The following CEP57L1 variants were observed in gnomAD, a reference collection of about 807,000 sequenced individuals.
The protein encoded by CEP57L1 is centrosomal protein 57 like 1, also known as centrosomal protein CEP57L1.
A neutral mutation model predicts 61.0 loss-of-function variants in CEP57L1; 37 were observed. The ratio of observed to expected loss-of-function variants is 0.61; its 90% CI spans 0.47 to 0.80. The LOEUF (loss-of-function observed/expected upper bound fraction) is 0.80. CEP57L1 is among the 30% of genes least tolerant of loss of function. CEP57L1 has a pLI of 0.00. For missense variants in CEP57L1, 422 were observed against 524.7 expected (o/e 0.80, Z 1.91); for synonymous variants, 137 against 162.3 (o/e 0.84, Z 1.19).
At chr6:109,143,361 T>C (rs911817338) in intron 1 of CEP57L1, among the ~76,000 whole-genome samples, 3 of 152,160 alleles carry the variant, frequency 2.0e-5, no homozygotes, top group Admixed American at 2.0e-4. Context: ...TTCAGTGCTT[T>C]ATATAAATAA....
At chr6:109,144,108 C>G (rs530014564) in intron 1 of CEP57L1, among the ~76,000 whole-genome samples, 1 of 152,282 alleles carries the variant, frequency 6.6e-6, no homozygotes, top group East Asian at 1.9e-4. Context: ...CATCAAGTAT[C>G]TTAGCAAACC....
intron 1 of CEP57L1, among the ~76,000 whole-genome samples, chr6:109,141,493 C>T (rs1242844208): frequency 6.6e-6 from 1 of 152,048 alleles, no homozygotes; most frequent in Non-Finnish European, 1.5e-5. Flanking sequence ...CCCAATTTTT[C>T]TAACATCATT....
chr6:109,146,973 A>T, intron 3 of CEP57L1, 36 bp downstream of exon 3: 1 of 1,535,020 alleles, frequency 6.5e-7, no homozygotes, highest in Non-Finnish European at 8.8e-7. Context: ...ACCGGGGGTT[A>T]CTGGAGTTTA....
intron 1 of CEP57L1, among the ~76,000 whole-genome samples, chr6:109,125,524 A>AT (rs5879014): frequency 0.025 from 3,570 of 142,956 alleles, 72 homozygotes; most frequent in East Asian, 0.07. Context: ...ATATATATAT[A>AT]TTTTTTTTTT....
At position 109,159,321 on chromosome 6, in the gene CEP57L1, A is replaced by C; in HGVS notation, c.875A>C (p.Glu292Ala). 9 of 1,614,120 alleles carry C rather than the reference A, an allele frequency of 5.6e-6. No individual in the cohort carries two copies. The highest frequency in any genetic ancestry group is 7.6e-6 in the Non-Finnish European group (9 of 1,179,976). ...CTTCAGAAACCTTTTAACGTGACTGAGACTAGATGTCTCCCCAAGCCTTCT... is the reference window on the plus strand; with the variant it reads ...CTTCAGAAACCTTTTAACGTGACTGCGACTAGATGTCTCCCCAAGCCTTCT... ...HILQKPFNVT[E>A]TRCLPKPSRT... Residue 292 changes from glutamate (E) to alanine (A), a missense_variant, in exon 9 of 11, where the codon GAG becomes GCG. By Grantham distance (107) the Glu-to-Ala change is moderately radical (BLOSUM62 -1). Transcript: ENST00000517392.
chr6:109,161,873 T>C (rs1044058579), intron 10 of CEP57L1, among the ~76,000 whole-genome samples: 2 of 152,094 alleles, frequency 1.3e-5, no homozygotes, highest in Non-Finnish European at 1.5e-5. Context: ...GTAATAAAAA[T>C]TGACTGTTAG....
chr6:109,124,374 T>G (rs2114717853), intron 1 of CEP57L1, among the ~76,000 whole-genome samples: 1 of 152,332 alleles, frequency 6.6e-6, no homozygotes, highest in South Asian at 2.1e-4. Context: ...CAGAGTAGAT[T>G]GCTCAAAACA....
In CEP57L1 at chr6:109,173,975, C is replaced by G. The variant is rs954791837; in HGVS notation, c.*11005C>G. On this transcript the variant is annotated 3_prime_UTR_variant, in exon 11 of 11. Coordinates refer to ENST00000517392, the MANE Select transcript of CEP57L1 (RefSeq NM_001271852.3). ...ATTAGCTGGGTGTGGTGGCATGCAC[C>G]TGTAGTCTCAGCTACTCATCAGGCT... is the stretch of plus-strand genomic sequence containing the variant. 6.6e-6 allele frequency among the ~76,000 whole-genome samples: 1 copy of G among 151,516 alleles called. No homozygotes were observed. The highest frequency in any genetic ancestry group is 2.4e-5 in the African/African-American group (1 of 41,218).
In CEP57L1 at chr6:109,160,622, T is replaced by G; in HGVS notation, c.1067T>G (p.Val356Gly). The change falls in exon 10 of 11, where the codon GTC becomes GGC. Residue 356 changes from valine to glycine, a missense_variant. Physicochemically the swap from Val to Gly is moderately radical, Grantham distance 109 (BLOSUM62 -3). Transcript: ENST00000517392. ...ATGAAGGAAACTGAAAGTCATTCAG[T>G]CTGTGACGACATAGAATGTGAACTA... ...KQMKETESHS[V>G]CDDIECELEC... 1 of 1,606,660 alleles carries G rather than the reference T, an allele frequency of 6.2e-7. No homozygotes were observed.
At chr6:109,137,584 G>A (rs1583545468) in intron 1 of CEP57L1, among the ~76,000 whole-genome samples, 1 of 152,202 alleles carries the variant, frequency 6.6e-6, no homozygotes, top group Non-Finnish European at 1.5e-5. Context: ...ACAGGTGTGA[G>A]CCACCGCTCC....
chr6:109,153,108 CA>C lies in CEP57L1; in HGVS notation c.463-713del, dbSNP rs1172045072. The stretch of plus-strand genomic sequence containing the variant: ...CCTGGGCAACAGCAAGACTCTGTCT[CA>C]AAAAAAAAAAAGAAAAGAAAAGAAA... On this transcript the variant is annotated intron_variant, in intron 4 of 10. Coordinates refer to ENST00000517392, the MANE Select transcript of CEP57L1 (RefSeq NM_001271852.3). Among the ~76,000 whole-genome samples the C allele has an allele frequency of 5.7e-3, 521 of 91,232 alleles. 14 individuals are homozygous for C. In the East Asian group the frequency reaches 0.086, roughly 15 times the overall value. The allele number at this position is 91,232 out of a possible 152,430, so 59.9% of individuals were successfully genotyped here.
At chr6:109,110,811 G>A (rs1771519935) in intron 1 of CEP57L1, among the ~76,000 whole-genome samples, 1 of 152,140 alleles carries the variant, frequency 6.6e-6, no homozygotes, top group African/African-American at 2.4e-5. Flanking sequence ...GTTTTTGTCA[G>A]CTTTGTCAAA....
At chr6:109,099,762 A>C (rs2114538522) in intron 1 of CEP57L1, among the ~76,000 whole-genome samples, 1 of 152,114 alleles carries the variant, frequency 6.6e-6, no homozygotes, top group Admixed American at 6.5e-5. Context: ...GTTGGGCAGG[A>C]TGGTCTCGAT....
At chr6:109,120,515 G>A (rs1583449466) in intron 1 of CEP57L1, among the ~76,000 whole-genome samples, 1 of 152,228 alleles carries the variant, frequency 6.6e-6, no homozygotes, top group East Asian at 1.9e-4. Context: ...TTGGGAATCA[G>A]CAGTCCAGGA....
chr6:109,105,718 A>G (rs574797559), intron 1 of CEP57L1, among the ~76,000 whole-genome samples: 2 of 152,248 alleles, frequency 1.3e-5, no homozygotes, highest in South Asian at 2.1e-4. Context: ...TTTTGAAATT[A>G]CATTTTCTAG....
At chr6:109,110,541 C>T (rs551835618) in intron 1 of CEP57L1, among the ~76,000 whole-genome samples, 25 of 152,094 alleles carry the variant, frequency 1.6e-4, no homozygotes, top group African/African-American at 3.9e-4. Context: ...AGATCCAATT[C>T]GTCAATTTTT....
chr6:109,135,811 A>C (rs1016389232), intron 1 of CEP57L1, among the ~76,000 whole-genome samples: 28 of 152,372 alleles, frequency 1.8e-4, no homozygotes, highest in African/African-American at 6.5e-4. Context: ...GACACATGAA[A>C]AACTGCTCAT....
rs1773980833 is a variant in CEP57L1 at position 109,164,772 on chromosome 6, A to C, written c.*1802A>C. 6.6e-6 allele frequency among the ~76,000 whole-genome samples: 1 copy of C among 152,112 alleles called. No individual in the cohort carries two copies. Among genetic ancestry groups the C allele is most frequent in the Non-Finnish European group, 1.5e-5 (1 of 68,006 alleles). On this transcript the variant is annotated 3_prime_UTR_variant, in exon 11 of 11. Coordinates refer to ENST00000517392, the MANE Select transcript of CEP57L1 (RefSeq NM_001271852.3). Reference sequence around the variant, plus strand: ...ATTACTTGTGAAAAGGTATTGCTTTAAAAATTATCATTAAAAATTTAAAAA... The same window carrying C: ...ATTACTTGTGAAAAGGTATTGCTTTCAAAATTATCATTAAAAATTTAAAAA...
chr6:109,111,183 G>A (rs1444060791), intron 1 of CEP57L1, among the ~76,000 whole-genome samples: 1 of 152,138 alleles, frequency 6.6e-6, no homozygotes, highest in Non-Finnish European at 1.5e-5. Context: ...CCATTTGTTT[G>A]TGTCCTCTCT....
Sources: allele counts gnomAD v4.1 joint callset (sites outside exome capture counted in the v4.1 genomes callset), GRCh38; gene constraint gnomAD v4.1.1; transcripts MANE v1.5; gene names NCBI Gene and HGNC (gene_info 2026-07-23, HGNC 2026-07-21).